LCT: variants seen among roughly 807,000 people sequenced by gnomAD.
LCT encodes lactase/phlorizin hydrolase.
Under a neutral mutation model 173.0 loss-of-function variants are expected in LCT, and 90 were observed. The ratio of observed to expected loss-of-function variants is 0.52; its 90% CI spans 0.44 to 0.62. The LOEUF is 0.62. LCT is among the 20% of genes least tolerant of loss of function. LCT has a pLI of 0.00. For missense variants in LCT, 1,864 were observed against 2,431.4 expected, an observed-to-expected ratio of 0.77 and a Z score of 4.91; for synonymous variants, 853 against 957.6, an observed-to-expected ratio of 0.89 and a Z score of 2.02.
Position 135,836,620 on chromosome 2 carries a change from G to T in LCT, c.550C>A (p.His184Asn). Residue 184 changes from histidine (H) to asparagine (N), a missense_variant, in exon 1 of 17, where the codon CAC (histidine) becomes AAC (asparagine). Transcript: ENST00000264162. ...DLEEVIKELP[H>N]QESRASQLQT... ...AGTTGTGACGCTCTTGATTCCTGGTGGGGAAGCTCCTTGATCACTTCCTCC... is the reference window on the plus strand; with the variant it reads ...AGTTGTGACGCTCTTGATTCCTGGTTGGGAAGCTCCTTGATCACTTCCTCC... 6.2e-7 allele frequency: 1 copy of T among 1,613,892 alleles called. No homozygotes were observed. Among genetic ancestry groups the T allele is most frequent in the East Asian group, 2.2e-5 (1 of 44,884 alleles).
At chr2:135,791,241 C>T (rs144312757) in intron 14 of LCT, among the ~76,000 whole-genome samples, 157 of 152,352 alleles carry the variant, frequency 1.0e-3, no homozygotes, top group East Asian at 5.6e-3. Flanking sequence ...TTCCAATGGA[C>T]GCCAGTGCTG....
intron 14 of LCT, 143 bp downstream of exon 14, chr2:135,794,498 G>C (rs2077561840): frequency 4.8e-6 from 4 of 840,554 alleles, no homozygotes; most frequent in South Asian, 1.4e-5. Context: ...TGGGATCTGT[G>C]GGGTGGCGAG....
chr2:135,797,211 G>C (rs1157390349), intron 13 of LCT, among the ~76,000 whole-genome samples: 1 of 152,048 alleles, frequency 6.6e-6, no homozygotes, highest in Non-Finnish European at 1.5e-5. Context: ...GCCTCCCAAA[G>C]TGCTGGGATT....
chr2:135,808,586 C>T lies in LCT; in HGVS notation c.3761G>A (p.Arg1254Gln), dbSNP rs201664009. 1.9e-6 allele frequency: 3 copies of T among 1,614,204 alleles called. No homozygotes were observed. Among genetic ancestry groups the T allele is most frequent in the Non-Finnish European group, 2.5e-6 (3 of 1,180,038 alleles). ...AMNRAAPWGT[R>Q]RLLNWIKEEY... ...TTCCTTGATCCAGTTCAGCAGCCTT[C>T]GCGTCCCCCAGGGCGCAGCTCTGTT... Residue 1254 changes from arginine (R) to glutamine (Q), a missense_variant, in exon 8 of 17, where the codon CGA becomes CAA. Around this residue, in one of 4 missense-constraint regions of LCT, gnomAD observed 755 missense variants for 926.3 expected, o/e 0.82. Transcript: ENST00000264162.
intron 5 of LCT, 109 bp from the exon 6 acceptor site, chr2:135,818,170 C>T (rs2077797078): frequency 1.5e-6 from 2 of 1,367,836 alleles, no homozygotes; most frequent in South Asian, 2.5e-5. Context: ...TCCAGAAACA[C>T]TGAGTCAAAA....
intron 2 of LCT, among the ~76,000 whole-genome samples, chr2:135,832,861 T>C (rs2077951118): frequency 6.6e-6 from 1 of 152,064 alleles, no homozygotes. Context: ...ATAAGCTATT[T>C]TGGACTCAAA....
Position 135,790,350 on chromosome 2 carries a change from C to T in LCT, c.5335+308G>A, listed in dbSNP as rs1426738545. 6.6e-6 allele frequency among the ~76,000 whole-genome samples: 1 copy of T among 152,134 alleles called. No individual in the cohort carries two copies. ...AACCACACAGCCTACTCCTCCTGGG[C>T]CCTACCCAGACCATTCTCAGGAGGG... is the stretch of plus-strand genomic sequence containing the variant. On this transcript the variant is annotated intron_variant, in intron 15 of 16. Transcript: ENST00000264162. The surrounding 1 kb of genome is among the most constrained non-coding windows in gnomAD (Gnocchi z 4.1).
chr2:135,831,654 G>T (rs892102512), intron 2 of LCT, among the ~76,000 whole-genome samples: 1 of 152,188 alleles, frequency 6.6e-6, no homozygotes, highest in Non-Finnish European at 1.5e-5. Flanking sequence ...CATTCTGGCC[G>T]TGCAATCAGC....
At chr2:135,833,626 T>C (rs1167929186) in intron 1 of LCT, among the ~76,000 whole-genome samples, 1 of 150,358 alleles carries the variant, frequency 6.7e-6, no homozygotes. Flanking sequence ...TTTTGCATTT[T>C]TGGTAGAGAC....
chr2:135,801,694 C>A (rs1302027949), intron 11 of LCT, among the ~76,000 whole-genome samples: 2 of 151,626 alleles, frequency 1.3e-5, no homozygotes, highest in African/African-American at 4.8e-5. Context: ...CTGTCTCAGC[C>A]TCCTGAGTAG....
chr2:135,810,965 T>C (rs929592849), intron 7 of LCT, among the ~76,000 whole-genome samples: 1 of 151,228 alleles, frequency 6.6e-6, no homozygotes, highest in African/African-American at 2.4e-5. Context: ...AGGCGGAGCT[T>C]GCAGTGAGCT....
At chr2:135,808,086 G>A (rs2077692682) in intron 8 of LCT, among the ~76,000 whole-genome samples, 2 of 151,988 alleles carry the variant, frequency 1.3e-5, no homozygotes, top group Non-Finnish European at 2.9e-5. Context: ...CTTGTTCTGG[G>A]GTGCATGGGA....
chr2:135,792,991 A>G (rs1426357836), intron 14 of LCT, among the ~76,000 whole-genome samples: 2 of 152,172 alleles, frequency 1.3e-5, no homozygotes, highest in East Asian at 3.9e-4. Context: ...TGAAAGTGCC[A>G]CCTCCTGGCT....
chr2:135,824,803 G>A (rs572319580), intron 3 of LCT, among the ~76,000 whole-genome samples: 1 of 152,076 alleles, frequency 6.6e-6, no homozygotes, highest in South Asian at 2.1e-4. Context: ...AGGAGTTTGA[G>A]ACCAGCCTGA....
chr2:135,816,871 A>AT (rs34890037), intron 6 of LCT, among the ~76,000 whole-genome samples: 2,959 of 147,064 alleles, frequency 0.02, 130 homozygotes, highest in East Asian at 0.19. Flanking sequence ...GTGATTAACA[A>AT]TTTTTTTTTT....
chr2:135,797,394 G>A (rs1401248542), intron 13 of LCT, among the ~76,000 whole-genome samples: 1 of 152,084 alleles, frequency 6.6e-6, no homozygotes, highest in African/African-American at 2.4e-5. Context: ...CGCTTCCTGC[G>A]CTTCCTCACA....
intron 11 of LCT, among the ~76,000 whole-genome samples, chr2:135,803,442 T>C (rs1329288172): frequency 6.6e-6 from 1 of 152,218 alleles, no homozygotes; most frequent in Non-Finnish European, 1.5e-5. Flanking sequence ...TAGCTCTCCA[T>C]AGTCAAGCAC....
chr2:135,825,208 T>C (rs151253061), intron 3 of LCT, among the ~76,000 whole-genome samples: 181 of 152,260 alleles, frequency 1.2e-3, no homozygotes, highest in South Asian at 7.7e-3. Context: ...TCTGAGCAAC[T>C]AAAAGCTACC....
chr2:135,830,388 T>C (rs2077926986), intron 2 of LCT, among the ~76,000 whole-genome samples: 1 of 152,136 alleles, frequency 6.6e-6, no homozygotes, highest in South Asian at 2.1e-4. Context: ...CCCCCAGTGC[T>C]GCGCTCCCCT....
Sources: allele counts gnomAD v4.1 joint callset (sites outside exome capture counted in the v4.1 genomes callset), GRCh38; gene constraint gnomAD v4.1.1; regional missense constraint gnomAD v4.1.1; non-coding constraint Gnocchi (gnomAD v3.1); transcripts MANE v1.5; gene names NCBI Gene and HGNC (gene_info 2026-07-23, HGNC 2026-07-21).